The following CCDC39 variants were observed in gnomAD, a reference collection of about 807,000 sequenced individuals.
CCDC39 encodes coiled-coil domain-containing protein 39.
A neutral mutation model predicts 121.0 loss-of-function variants in CCDC39; 113 were observed. The ratio of observed to expected loss-of-function variants is 0.93; its 90% confidence interval spans 0.80 to 1.09. CCDC39 has a LOEUF of 1.09. CCDC39 is among the 50% of genes least tolerant of loss of function. The probability of loss-of-function intolerance (pLI) is 0.00; values close to 1 mark genes in which losing one functional copy is unlikely to be tolerated. For missense variants in CCDC39, 1,063 were observed against 1,074.7 expected, an observed-to-expected ratio of 0.99 and a Z score of 0.15; for synonymous variants, 349 against 352.2, an observed-to-expected ratio of 0.99 and a Z score of 0.10.
chr3:180,674,408 A>G (rs919111221), intron 1 of CCDC39, among the ~76,000 whole-genome samples: 5 of 152,176 alleles, frequency 3.3e-5, no homozygotes, highest in Non-Finnish European at 7.3e-5. Flanking sequence ...TAGATATACA[A>G]TCATGTCATC....
In CCDC39 at chr3:180,643,105, G is replaced by C. The variant is rs1476673538; in HGVS notation, c.1666-904C>G. On this transcript the variant is annotated intron_variant, in intron 12 of 19. Transcript: ENST00000476379. ...CTCCGGAGTAGCTGGGACTATAGGCGCCCGCCACCACGCCCGGCTAATTTT... is the reference window on the plus strand; with the variant it reads ...CTCCGGAGTAGCTGGGACTATAGGCCCCCGCCACCACGCCCGGCTAATTTT... 2.0e-5 allele frequency among the ~76,000 whole-genome samples: 3 copies of C among 151,748 alleles called. No homozygotes were observed. The East Asian group carries it at 5.8e-4, about 29-fold the overall frequency.
chr3:180,629,105 T>C (rs1350215433), intron 14 of CCDC39, among the ~76,000 whole-genome samples: 1 of 152,230 alleles, frequency 6.6e-6, no homozygotes, highest in Non-Finnish European at 1.5e-5. Flanking sequence ...AAAATTCTTA[T>C]ACAAATATGA....
intron 1 of CCDC39, among the ~76,000 whole-genome samples, chr3:180,671,224 A>C (rs1358421911): frequency 6.6e-6 from 1 of 151,822 alleles, no homozygotes; most frequent in Non-Finnish European, 1.5e-5. Context: ...AAAAAAAAAA[A>C]AAAAAAAAGT....
intron 11 of CCDC39, among the ~76,000 whole-genome samples, chr3:180,646,508 A>C (rs537543997): frequency 1.3e-5 from 2 of 152,274 alleles, no homozygotes; most frequent in Admixed American, 1.3e-4. Context: ...AAAATGCCTA[A>C]AGATGAAGAC....
intron 9 of CCDC39, among the ~76,000 whole-genome samples, chr3:180,651,046 T>A (rs1718193041): frequency 6.6e-6 from 1 of 151,376 alleles, no homozygotes; most frequent in Non-Finnish European, 1.5e-5. Context: ...AATACAAAAA[T>A]TAGCCAGGCG....
At chr3:180,661,468 G>C (rs1034085420) in intron 3 of CCDC39, among the ~76,000 whole-genome samples, 5 of 151,992 alleles carry the variant, frequency 3.3e-5, no homozygotes, top group Non-Finnish European at 7.4e-5. Context: ...GTAGTTTAAT[G>C]TTAGAGTCAC....
chr3:180,621,250 T>A (rs1440122592), intron 14 of CCDC39, among the ~76,000 whole-genome samples: 1 of 152,092 alleles, frequency 6.6e-6, no homozygotes, highest in Non-Finnish European at 1.5e-5. Context: ...TCTTTTTGAT[T>A]TAATGATTTC....
Position 180,648,476 on chromosome 3 carries a change from T to C in CCDC39, c.1168-117A>G, listed in dbSNP as rs1303938657. ...TGAACCCTCCACTATTTTAGCCCTT[T>C]AGAAGATAAAGCTCTTCCCACAATT... is the stretch of plus-strand genomic sequence containing the variant. On this transcript the variant is annotated intron_variant, in intron 9 of 19. Coordinates refer to ENST00000476379, the MANE Select transcript of CCDC39 (RefSeq NM_181426.2). 1.2e-5 allele frequency: 8 copies of C among 670,046 alleles called. No homozygotes were observed. In the East Asian group the frequency reaches 2.1e-4, roughly 18 times the overall value. The allele number at this position is 670,046 out of a possible 1,614,324, so 41.5% of individuals were successfully genotyped here.
rs866973067 is a variant in CCDC39 at position 180,642,297 on chromosome 3, C to T, written c.1666-96G>A. On this transcript the variant is annotated intron_variant, in intron 12 of 19. Transcript: ENST00000476379. ...TATATAAGTAAAACTTGAAAATATA[C>T]CTTTTTCCAATTTAACCATTGACTA... The T allele has an allele frequency of 4.7e-5, 29 of 617,214 alleles. 1 individual carries two copies. The highest frequency in any genetic ancestry group is 9.0e-4 in the Middle Eastern group (2 of 2,224). 38.2% of individuals were successfully genotyped at this position (617,214 alleles called of 1,614,324 possible). A position where few individuals can be genotyped will look rare whatever the true frequency, so the allele number is the denominator to read the frequency against.
intron 1 of CCDC39, among the ~76,000 whole-genome samples, chr3:180,675,374 C>T (rs1259180541): frequency 6.6e-6 from 1 of 151,856 alleles, no homozygotes; most frequent in Admixed American, 6.6e-5. Context: ...TCTCTCTTTT[C>T]TTCTTTATTA....
Position 180,652,209 on chromosome 3 carries a change from T to A in CCDC39, c.988A>T (p.Lys330Ter). The A allele has an allele frequency of 6.5e-7, 1 of 1,536,760 alleles. No homozygotes were observed. The highest frequency in any genetic ancestry group is 8.8e-7 in the Non-Finnish European group (1 of 1,141,962). ...TCCTTCTTTATCTTGGAAATATTTTTCCTCAGAGCTTCTAAATCACTGGAA... is the reference window on the plus strand; with the variant it reads ...TCCTTCTTTATCTTGGAAATATTTTACCTCAGAGCTTCTAAATCACTGGAA... ...RTSSDLEALR[K>*]NISKIKKDIH... Residue 330 changes from lysine to a stop codon, truncating the protein, a stop_gained, in exon 8 of 20, where the codon AAA becomes TAA. Coordinates refer to ENST00000476379, the MANE Select transcript of CCDC39 (RefSeq NM_181426.2). LOFTEE classifies it high-confidence loss of function.
chr3:180,615,072 G>A lies in CCDC39; in HGVS notation c.2675C>T (p.Ser892Phe). The A allele has an allele frequency of 6.5e-7, 1 of 1,530,322 alleles. No homozygotes were observed. Among genetic ancestry groups the A allele is most frequent in the Non-Finnish European group, 8.8e-7 (1 of 1,141,752 alleles). 94.8% of individuals were successfully genotyped at this position (1,530,322 alleles called of 1,614,324 possible). A position where few individuals can be genotyped will look rare whatever the true frequency, so the allele number is the denominator to read the frequency against. The change falls in exon 20 of 20, where the codon TCT becomes TTT. Residue 892 changes from serine to phenylalanine, a missense_variant. Transcript: ENST00000476379. Reference protein sequence around the residue: ...PSHTSLSARSSRSTSTSTSQS... With the variant: ...PSHTSLSARSFRSTSTSTSQS... ...AGAAGTAGATGTACTTGTACTCCTA[G>A]ATGACCTAGAAGAAAAACCAGAATT...
At chr3:180,617,025 T>C (rs1717273854) in intron 16 of CCDC39, 59 bp from the exon 17 acceptor site, 1 of 914,404 alleles carries the variant, frequency 1.1e-6, no homozygotes, top group African/African-American at 1.7e-5. Context: ...TTATAACTTG[T>C]CATTTATCAA....
chr3:180,614,757 A>G lies in CCDC39; in HGVS notation c.*164T>C. 3.5e-6 allele frequency: 2 copies of G among 575,620 alleles called. No homozygotes were observed. Among genetic ancestry groups the G allele is most frequent in the Admixed American group, 3.7e-5 (1 of 27,072 alleles). The allele number at this position is 575,620 out of a possible 1,614,324, so 35.7% of individuals were successfully genotyped here. On this transcript the variant is annotated 3_prime_UTR_variant, in exon 20 of 20. Transcript: ENST00000476379. The stretch of plus-strand genomic sequence containing the variant: ...TTAATTTCTTCAGTATGAAGAAAAC[A>G]GTAGAGAAAATGAGAACGTTCCTTT...
chr3:180,660,609 A>G lies in CCDC39; in HGVS notation c.477T>C (p.Thr159=), dbSNP rs769515385. The change falls in exon 4 of 20, where the codon ACT becomes ACC. Residue 159 remains threonine (T), a synonymous_variant. Transcript: ENST00000476379. Reference sequence around the variant, plus strand: ...CATCTTGTTGTGCATACTTCTGGAGAGTGAGAGCATCACTATCTTTATGAG... The same window carrying G: ...CATCTTGTTGTGCATACTTCTGGAGGGTGAGAGCATCACTATCTTTATGAG... ...ESAHKDSDAL[T]LQKYAQQDDN... is the part of the protein sequence containing the mutation. 1.2e-6 allele frequency: 2 copies of G among 1,600,830 alleles called. No individual in the cohort carries two copies. The highest frequency in any genetic ancestry group is 1.7e-6 in the Non-Finnish European group (2 of 1,172,406).
chr3:180,624,296 A>C (rs776115727), intron 14 of CCDC39, among the ~76,000 whole-genome samples: 2 of 151,980 alleles, frequency 1.3e-5, no homozygotes, highest in Admixed American at 6.6e-5. Flanking sequence ...CTTTCAGTAT[A>C]TATGTCTTTT....
At chr3:180,635,597 C>T (rs1717805983) in intron 13 of CCDC39, among the ~76,000 whole-genome samples, 1 of 152,286 alleles carries the variant, frequency 6.6e-6, no homozygotes, top group Non-Finnish European at 1.5e-5. Flanking sequence ...CCTGGCAGGG[C>T]ACTCCTTAAA....
Position 180,616,959 on chromosome 3 carries a change from T to G in CCDC39, c.2273A>C (p.Glu758Ala). 1 of 1,376,288 alleles carries G rather than the reference T, an allele frequency of 7.3e-7. No individual in the cohort carries two copies. The highest frequency in any genetic ancestry group is 9.9e-7 in the Non-Finnish European group (1 of 1,008,138). 85.3% of individuals were successfully genotyped at this position (1,376,288 alleles called of 1,614,324 possible). The change falls in exon 17 of 20, where the codon GAA becomes GCA. Residue 758 changes from glutamate (E) to alanine (A), a missense_variant. By Grantham distance (107) the Glu-to-Ala change is moderately radical (BLOSUM62 -1). Coordinates refer to ENST00000476379, the MANE Select transcript of CCDC39 (RefSeq NM_181426.2). ...ATGTTCTATAACATCTAATGTATTT[T>G]CCATGCTCTGTAGAAAAAATATTAA... The part of the protein sequence containing the change: ...RELQEDIQSM[E>A]NTLDVIEHLA...
At chr3:180,637,445 T>C (rs2108416453) in intron 13 of CCDC39, among the ~76,000 whole-genome samples, 1 of 152,330 alleles carries the variant, frequency 6.6e-6, no homozygotes, top group East Asian at 1.9e-4. Flanking sequence ...CTGGTGAGGT[T>C]GCAGAGAAAA....
Sources: gnomAD v4.1 joint callset for allele counts (sites outside exome capture counted in the v4.1 genomes callset) on GRCh38, gnomAD v4.1.1 for gene constraint, MANE v1.5 for transcripts, NCBI Gene and HGNC (gene_info 2026-07-23, HGNC 2026-07-21) for gene names.